MICAL1: variants seen among roughly 807,000 people sequenced by gnomAD.
MICAL1 encodes [F-actin]-monooxygenase MICAL1.
Under a neutral mutation model 131.8 loss-of-function variants are expected in MICAL1, and 95 were observed. That is an observed-to-expected ratio of 0.72 (90% confidence interval 0.61 to 0.86). The LOEUF is 0.86. Ranked by LOEUF, MICAL1 falls within the 40% of genes least tolerant of loss-of-function variation. The pLI, the probability that MICAL1 is intolerant of heterozygous loss-of-function variation, is 0.00. For missense variants in MICAL1, 1,292 were observed against 1,380.6 expected, an observed-to-expected ratio of 0.94 and a Z score of 1.02; for synonymous variants, 546 against 554.2, an observed-to-expected ratio of 0.99 and a Z score of 0.21.
intron 1 of MICAL1, among the ~76,000 whole-genome samples, chr6:109,461,436 T>G (rs1775886270): frequency 6.6e-6 from 1 of 152,186 alleles, no homozygotes; most frequent in African/African-American, 2.4e-5. Flanking sequence ...TCACTACTAT[T>G]GTTTTATGTA....
intron 11 of MICAL1, chr6:109,449,193 C>T (rs1030087224): frequency 4.0e-5 from 28 of 705,888 alleles, no homozygotes; most frequent in Admixed American, 2.3e-4. Flanking sequence ...AACACTAACG[C>T]GCTTACATTC....
intron 1 of MICAL1, chr6:109,464,371 G>A (rs1398469422): frequency 2.6e-5 from 4 of 152,074 alleles, no homozygotes; most frequent in Non-Finnish European, 5.9e-5. Context: ...AGAAATCAAG[G>A]ATGTCTAAAA....
chr6:109,456,871 G>A (rs1283378145), upstream of MICAL1, among the ~76,000 whole-genome samples: 1 of 152,152 alleles, frequency 6.6e-6, no homozygotes, highest in African/African-American at 2.4e-5. Context: ...CTGTTTGGGG[G>A]CCCAGGTCTG....
At chr6:109,459,449 G>A (rs1451559903), upstream of MICAL1, among the ~76,000 whole-genome samples, 1 of 152,174 alleles carries the variant, frequency 6.6e-6, no homozygotes, top group East Asian at 1.9e-4. Context: ...GACATAACAT[G>A]GCCATGAATT....
Position 109,454,182 on chromosome 6 carries a change from G to T in MICAL1, c.15C>A (p.Thr5=). 1 of 1,602,326 alleles carries T rather than the reference G, an allele frequency of 6.2e-7. No homozygotes were observed. Among genetic ancestry groups the T allele is most frequent in the Non-Finnish European group, 8.5e-7 (1 of 1,174,622 alleles). Residue 5 remains threonine (T), a synonymous_variant, in exon 2 of 25, where the codon ACC becomes ACA. Coordinates refer to ENST00000358807, the MANE Select transcript of MICAL1 (RefSeq NM_022765.4). MASP[T]STNPAHAHFE... is the part of the protein sequence containing the mutation. Reference sequence around the variant, plus strand: ...AGTGGGCATGCGCTGGGTTGGTGGAGGTAGGTGAAGCCATGGAGGCCTCCT... The same window carrying T: ...AGTGGGCATGCGCTGGGTTGGTGGATGTAGGTGAAGCCATGGAGGCCTCCT...
At position 109,449,987 on chromosome 6, in the gene MICAL1, T is replaced by G; in HGVS notation, c.1290A>C (p.Leu430=). The change falls in exon 9 of 25, where the codon CTA becomes CTC. Residue 430 remains leucine (L), a synonymous_variant. Transcript: ENST00000358807. ...GGTCTTACCGCTCAGCCAACACCTC[T>G]AGGGACTCAGCGCCCTCTGCCCACC... The part of the protein sequence containing the change: ...VKRWAEGAES[L]EVLAERESLY... The G allele has an allele frequency of 6.2e-7, 1 of 1,613,970 alleles. No homozygotes were observed. Among genetic ancestry groups the G allele is most frequent in the Non-Finnish European group, 8.5e-7 (1 of 1,179,940 alleles).
upstream of MICAL1, among the ~76,000 whole-genome samples, chr6:109,458,510 C>T (rs1047041599): frequency 2.0e-5 from 3 of 152,144 alleles, no homozygotes; most frequent in South Asian, 2.1e-4. Flanking sequence ...GCAGGAGAAT[C>T]GCTTGAACTC....
upstream of MICAL1, among the ~76,000 whole-genome samples, chr6:109,457,744 G>A (rs190878500): frequency 3.8e-4 from 58 of 152,270 alleles, 1 homozygote; most frequent in Admixed American, 2.0e-3. Flanking sequence ...AGGGTCATGT[G>A]GCTCTATGAA....
rs1222871854 is a variant in MICAL1, at chr6:109,453,845, A to C, written c.259T>G (p.Cys87Gly). Reference sequence around the variant, plus strand: ...CAAGGTCCAGCACCCACCACCAGGCACTGTGAACACACAGGGCAGTGAGGG... The same window carrying C: ...CAAGGTCCAGCACCCACCACCAGGCCCTGTGAACACACAGGGCAGTGAGGG... ...QQGRACTSTKCLVVGAGPCGL... is the reference protein window; with the variant it reads ...QQGRACTSTKGLVVGAGPCGL... The change falls in exon 3 of 25, where the codon TGC (cysteine) becomes GGC (glycine). Residue 87 changes from cysteine (C) to glycine (G), a missense_variant and splice_region_variant. By Grantham distance (159) the Cys-to-Gly change is radical. Coordinates refer to ENST00000358807, the MANE Select transcript of MICAL1 (RefSeq NM_022765.4). 1.2e-6 allele frequency: 2 copies of C among 1,613,216 alleles called. No individual in the cohort carries two copies. Among genetic ancestry groups the C allele is most frequent in the Non-Finnish European group, 8.5e-7 (1 of 1,179,952 alleles).
intron 19 of MICAL1, 105 bp downstream of exon 19, chr6:109,446,030 TG>T: frequency 6.8e-7 from 1 of 1,475,196 alleles, no homozygotes; most frequent in Non-Finnish European, 9.0e-7. Flanking sequence ...TGCCACGGCC[TG>T]GGATCCCCAC....
chr6:109,445,631 G>A, intron 20 of MICAL1, 102 bp from the exon 21 acceptor site: 1 of 1,519,058 alleles, frequency 6.6e-7, no homozygotes, highest in Non-Finnish European at 9.1e-7. Context: ...AGTGGGGTAA[G>A]CTCTGGTAGA....
upstream of MICAL1, among the ~76,000 whole-genome samples, chr6:109,458,821 A>C (rs1227425309): frequency 2.6e-5 from 4 of 152,172 alleles, no homozygotes; most frequent in African/African-American, 9.7e-5. Flanking sequence ...CCTGCAGGCC[A>C]GTATCTTCAA....
At chr6:109,457,921 G>A (rs754064075), upstream of MICAL1, among the ~76,000 whole-genome samples, 3 of 152,184 alleles carry the variant, frequency 2.0e-5, no homozygotes, top group Non-Finnish European at 4.4e-5. Context: ...GGTCTGGTTG[G>A]ATTCCAGCTT....
intron 6 of MICAL1, chr6:109,451,969 A>G (rs1775561690): frequency 7.2e-7 from 1 of 1,389,604 alleles, no homozygotes; most frequent in Non-Finnish European, 9.3e-7. Flanking sequence ...GTGCAAAACC[A>G]AAGTAAACAG....
chr6:109,454,300 G>C, intron 1 of MICAL1, 61 bp from the exon 2 acceptor site: 1 of 1,453,350 alleles, frequency 6.9e-7, no homozygotes, highest in Non-Finnish European at 9.1e-7. Flanking sequence ...AAAGGAAGGG[G>C]AGGCGAAGAG....
rs1554225159 is a variant in MICAL1 at position 109,446,429 on chromosome 6, G to GTGGTCTGGTCAGTGACCTGCCCAGGT, written c.2305-18_2305-17insACCTGGGCAGGTCACTGACCAGACCA. On this transcript the variant is annotated splice_polypyrimidine_tract_variant and intron_variant, in intron 18 of 24. Transcript: ENST00000358807. ...GGGGAGCTCCTGGAAAAGCCACCAT[G>GTGGTCTGGTCAGTGACCTGCCCAGGT]TGGAGTGAGGTCGGGGGGTGAGGCC... 6.7e-7 allele frequency: 1 copy of GTGGTCTGGTCAGTGACCTGCCCAGGT among 1,495,214 alleles called. No homozygotes were observed. Among genetic ancestry groups the GTGGTCTGGTCAGTGACCTGCCCAGGT allele is most frequent in the Admixed American group, 2.1e-5 (1 of 48,554 alleles). 92.6% of individuals were successfully genotyped at this position (1,495,214 alleles called of 1,614,324 possible).
chr6:109,462,273 A>G (rs1234025779), intron 1 of MICAL1, among the ~76,000 whole-genome samples: 1 of 152,184 alleles, frequency 6.6e-6, no homozygotes, highest in African/African-American at 2.4e-5. Context: ...CCCCACTGAC[A>G]CGTTGATCTT....
exon 1 of MICAL1, chr6:109,465,709 T>C (rs1776017848): frequency 1.2e-6 from 2 of 1,606,256 alleles, no homozygotes; most frequent in Non-Finnish European, 1.7e-6. Flanking sequence ...TGGAGGGCAT[T>C]ATAAACATCA....
rs145783720 is a variant in MICAL1 at position 109,450,012 on chromosome 6, C to T, written c.1265G>A (p.Arg422Gln). ...TAGGGACTCAGCGCCCTCTGCCCAC[C>T]GCTTCACCATCCAGGCTGCATCAAA... is the stretch of plus-strand genomic sequence containing the variant. ...AAFDAAWMVK[R>Q]WAEGAESLEV... The change falls in exon 9 of 25, where the codon CGG (arginine) becomes CAG (glutamine). Residue 422 changes from arginine to glutamine, a missense_variant. Transcript: ENST00000358807. The T allele has an allele frequency of 1.6e-4, 263 of 1,614,116 alleles. No homozygotes were observed. The highest frequency in any genetic ancestry group is 1.2e-3 in the Middle Eastern group (7 of 6,062).
Sources: allele counts gnomAD v4.1 joint callset (sites outside exome capture counted in the v4.1 genomes callset), GRCh38; gene constraint gnomAD v4.1.1; transcripts MANE v1.5; gene names NCBI Gene and HGNC (gene_info 2026-07-23, HGNC 2026-07-21).